Variants in GPATCH1 observed in about 807,000 individuals in gnomAD.
GPATCH1 encodes the protein G patch domain-containing protein 1.
Under a neutral mutation model 114.9 loss-of-function variants are expected in GPATCH1, and 73 were observed. The observed-to-expected ratio is 0.64, with a 90% CI of 0.53 to 0.77. The LOEUF (loss-of-function observed/expected upper bound fraction) is 0.77, where lower values mean the gene tolerates loss of function less well. Among genes scored for constraint, GPATCH1 ranks in the 30% least tolerant of loss-of-function variants. The pLI is 0.00. For missense variants in GPATCH1, 1,058 were observed against 1,144.3 expected, an observed-to-expected ratio of 0.92 and a Z score of 1.09; for synonymous variants, 391 against 428.4, an observed-to-expected ratio of 0.91 and a Z score of 1.08.
At chr19:33,108,102 G>A (rs956233532) in intron 10 of GPATCH1, among the ~76,000 whole-genome samples, 8 of 151,834 alleles carry the variant, frequency 5.3e-5, no homozygotes, top group Admixed American at 2.0e-4. Context: ...CTACCCACAC[G>A]TGTGGGGGTT....
rs922660129 is a variant in GPATCH1 at position 33,105,411 on chromosome 19, CA to C, written c.1081-1267del. On this transcript the variant is annotated intron_variant, in intron 9 of 19. Transcript: ENST00000170564. ...TGGATGACAGAGCAAGACTCTGTCT[CA>C]AAAAAAAAAAAAAAAAGAAAAAGAA... is the stretch of plus-strand genomic sequence containing the variant. Among the ~76,000 whole-genome samples, 88 of 58,538 alleles carry C rather than the reference CA, an allele frequency of 1.5e-3. No homozygotes were observed. The South Asian group carries it at 0.017, about 11-fold the overall frequency. 38.4% of individuals were successfully genotyped at this position (58,538 alleles called of 152,430 possible).
chr19:33,106,828 C>G lies in GPATCH1; in HGVS notation c.1214C>G (p.Pro405Arg), dbSNP rs554482786. The change falls in exon 10 of 20, where the codon CCA (proline) becomes CGA (arginine). Residue 405 changes from proline (P) to arginine (R), a missense_variant. Physicochemically the swap from Pro to Arg is moderately radical, Grantham distance 103. Around this residue, in one of 3 missense-constraint regions of GPATCH1, gnomAD observed 893 missense variants for 977.4 expected, o/e 0.91. Transcript: ENST00000170564. ...TCAGCTGGAAAGGCAACGCCTGACC[C>G]AGGGACACACAGTAAGCACCAACTG... ...SESAGKATPD[P>R]GTHSKHQLNA... 1 of 1,614,020 alleles carries G rather than the reference C, an allele frequency of 6.2e-7. No individual in the cohort carries two copies. Among genetic ancestry groups the G allele is most frequent in the South Asian group, 1.1e-5 (1 of 91,064 alleles).
chr19:33,106,392 G>T (rs561827138), intron 9 of GPATCH1, among the ~76,000 whole-genome samples: 102 of 152,224 alleles, frequency 6.7e-4, no homozygotes, highest in African/African-American at 2.4e-3. Context: ...TGACATTTAT[G>T]ATCTATTGTC....
At chr19:33,124,554 G>A (rs200920772) in intron 17 of GPATCH1, among the ~76,000 whole-genome samples, 4 of 152,212 alleles carry the variant, frequency 2.6e-5, no homozygotes, top group Non-Finnish European at 5.9e-5. Flanking sequence ...TTTGTAGAGA[G>A]AGGAGGATAT....
intron 2 of GPATCH1, among the ~76,000 whole-genome samples, chr19:33,089,908 C>T (rs1045117510): frequency 6.6e-6 from 1 of 151,614 alleles, no homozygotes; most frequent in Non-Finnish European, 1.5e-5. Context: ...GCGTGAGCCA[C>T]CATGCCCGGC....
At chr19:33,092,294 A>G (rs1972605330) in intron 3 of GPATCH1, among the ~76,000 whole-genome samples, 1 of 151,840 alleles carries the variant, frequency 6.6e-6, no homozygotes, top group Non-Finnish European at 1.5e-5. Flanking sequence ...CAGGTGATCC[A>G]CCCACCTCGG....
intron 17 of GPATCH1, among the ~76,000 whole-genome samples, chr19:33,122,943 A>T (rs1226108025): frequency 2.2e-4 from 34 of 151,822 alleles, no homozygotes. Context: ...GTGGTGGTAC[A>T]TGCCTGTGGT....
chr19:33,088,338 C>A, intron 2 of GPATCH1, 70 bp downstream of exon 2: 1 of 1,173,658 alleles, frequency 8.5e-7, no homozygotes, highest in Non-Finnish European at 1.2e-6. Context: ...CTCCCTCACC[C>A]TTGCTTTTTT....
intron 10 of GPATCH1, among the ~76,000 whole-genome samples, chr19:33,107,904 G>T (rs1323096959): frequency 2.0e-5 from 3 of 151,682 alleles, no homozygotes; most frequent in African/African-American, 7.3e-5. Flanking sequence ...ACAACGTGCA[G>T]GTTTGTTACA....
chr19:33,123,842 CT>C lies in GPATCH1; in HGVS notation c.2522-1253del, dbSNP rs970623893. ...CCTTACAAAACATCTTGAAACTTTC[CT>C]TTTTTTTTTCTTTTTTTCTTTTTTT... is the stretch of plus-strand genomic sequence containing the variant. On this transcript the variant is annotated intron_variant, in intron 17 of 19. Transcript: ENST00000170564. Among the ~76,000 whole-genome samples the C allele has an allele frequency of 1.6e-4, 23 of 148,022 alleles. 1 individual carries two copies. Among genetic ancestry groups the C allele is most frequent in the Admixed American group, 9.5e-4 (14 of 14,682 alleles).
At chr19:33,094,134 AT>A in intron 4 of GPATCH1, 37 bp from the exon 5 acceptor site, 1 of 1,074,572 alleles carries the variant, frequency 9.3e-7, no homozygotes, top group Non-Finnish European at 1.5e-6. Flanking sequence ...TGTTAATGTT[AT>A]TTTGAAAAGT....
At position 33,095,776 on chromosome 19, in the gene GPATCH1, A is replaced by C; in HGVS notation, c.568A>C (p.Ile190Leu). ...CTCTTTTCTAGATCCTGGAGTCAAA[A>C]TCTATGGCTGTGCATTACCCCCTGG... is the stretch of plus-strand genomic sequence containing the variant. ...RRQKPDPGVK[I>L]YGCALPPGSS... is the part of the protein sequence containing the mutation. Residue 190 changes from isoleucine (I) to leucine (L), a missense_variant, in exon 6 of 20, where the codon ATC (isoleucine) becomes CTC (leucine). Transcript: ENST00000170564. 3.1e-6 allele frequency: 5 copies of C among 1,610,958 alleles called. No homozygotes were observed. Among genetic ancestry groups the C allele is most frequent in the Admixed American group, 1.7e-5 (1 of 59,994 alleles).
At chr19:33,086,590 C>T (rs945124191) in intron 1 of GPATCH1, among the ~76,000 whole-genome samples, 3 of 151,990 alleles carry the variant, frequency 2.0e-5, no homozygotes, top group Admixed American at 6.6e-5. Context: ...CTCAGCCTCC[C>T]GAGTAGTTCT....
At chr19:33,097,923 C>G in intron 8 of GPATCH1, 21 bp downstream of exon 8, 1 of 1,611,676 alleles carries the variant, frequency 6.2e-7, no homozygotes, top group Non-Finnish European at 8.5e-7. Flanking sequence ...AGCCACAAAC[C>G]TAATGGCAGG....
chr19:33,083,243 CAAA>C (rs759998717), intron 1 of GPATCH1, among the ~76,000 whole-genome samples: 2 of 61,680 alleles, frequency 3.2e-5, no homozygotes, highest in African/African-American at 5.9e-5. Context: ...GACTCTGTCT[CAAA>C]AAAAAAAAAA....
chr19:33,127,015 C>T (rs561042299), intron 19 of GPATCH1, among the ~76,000 whole-genome samples: 7 of 151,436 alleles, frequency 4.6e-5, no homozygotes, highest in African/African-American at 1.7e-4. Flanking sequence ...CACACCTGTG[C>T]CTCCAGCTAT....
At position 33,130,116 on chromosome 19, in the gene GPATCH1, GT is replaced by G; in HGVS notation, c.2766-10del. The G allele has an allele frequency of 6.2e-7, 1 of 1,608,542 alleles. No individual in the cohort carries two copies. The highest frequency in any genetic ancestry group is 8.5e-7 in the Non-Finnish European group (1 of 1,175,218). The stretch of plus-strand genomic sequence containing the variant: ...CTAACTTTCCATTTCTCTCTTTTCT[GT>G]TTTCTTTTCCAGGCTGAAAAGTCTT... On this transcript the variant is annotated splice_polypyrimidine_tract_variant and intron_variant, in intron 19 of 19. Coordinates refer to ENST00000170564, the MANE Select transcript of GPATCH1 (RefSeq NM_018025.3).
chr19:33,130,059 C>A, intron 19 of GPATCH1, 71 bp from the exon 20 acceptor site: 1 of 1,157,256 alleles, frequency 8.6e-7, no homozygotes, highest in Non-Finnish European at 1.3e-6. Context: ...GCATTCTCAG[C>A]CTCCACGGAG....
Position 33,093,537 on chromosome 19 carries a change from ACTGT to A in GPATCH1, c.455+20_455+23del. 1.2e-6 allele frequency: 2 copies of A among 1,606,342 alleles called. No individual in the cohort carries two copies. The highest frequency in any genetic ancestry group is 1.7e-6 in the Non-Finnish European group (2 of 1,175,822). ...CCAGCAAAGTGAGCATTTCCTTCTGACTGTCATGATCTTAGCACCGGTGTTTTGC... is the reference window on the plus strand; with the variant it reads ...CCAGCAAAGTGAGCATTTCCTTCTGACATGATCTTAGCACCGGTGTTTTGC... On this transcript the variant is annotated intron_variant, in intron 4 of 19. Transcript: ENST00000170564.
Sources: gnomAD v4.1 joint callset for allele counts (sites outside exome capture counted in the v4.1 genomes callset) on GRCh38, gnomAD v4.1.1 for gene constraint, gnomAD v4.1.1 regional missense constraint, MANE v1.5 for transcripts, NCBI Gene and HGNC (gene_info 2026-07-23, HGNC 2026-07-21) for gene names.